Variants in STXBP5L observed in about 807,000 individuals in gnomAD.
STXBP5L encodes the protein syntaxin binding protein 5L.
A neutral mutation model predicts 144.5 loss-of-function variants in STXBP5L; 65 were observed. The ratio of observed to expected loss-of-function variants is 0.45; its 90% confidence interval spans 0.37 to 0.55. The LOEUF (loss-of-function observed/expected upper bound fraction) is 0.55. STXBP5L is among the 20% of genes least tolerant of loss of function. STXBP5L has a pLI of 0.00. For missense variants in STXBP5L, 1,298 were observed against 1,405.5 expected (o/e 0.92, Z 1.22); for synonymous variants, 505 against 469.6 (o/e 1.08, Z -0.97).
intron 9 of STXBP5L, among the ~76,000 whole-genome samples, chr3:121,165,811 C>T (rs954033956): frequency 6.6e-6 from 1 of 152,122 alleles, no homozygotes; most frequent in Non-Finnish European, 1.5e-5. Flanking sequence ...AGTGTGCATT[C>T]CTCCCAGTGG....
Position 121,195,195 on chromosome 3 carries a change from A to G in STXBP5L, c.878-10728A>G, listed in dbSNP as rs142638735. 6.9e-3 allele frequency among the ~76,000 whole-genome samples: 1,049 copies of G among 152,064 alleles called. 5 individuals are homozygous for G. The highest frequency in any genetic ancestry group is 0.015 in the South Asian group (72 of 4,822). On this transcript the variant is annotated intron_variant, in intron 9 of 26. Coordinates refer to ENST00000471454, the MANE Select transcript of STXBP5L (RefSeq NM_001308330.2). ...CACCTCGGCTTCCCAAAGTGCTGGG[A>G]TTACAGGTGTGAGCCACCGTGCCCG...
intron 20 of STXBP5L, among the ~76,000 whole-genome samples, chr3:121,366,665 A>C (rs564310005): frequency 1.3e-5 from 2 of 152,064 alleles, no homozygotes; most frequent in African/African-American, 4.8e-5. Context: ...TAAACCATGT[A>C]TGGTTAGACT....
At chr3:121,354,380 A>G (rs1576265982) in intron 20 of STXBP5L, among the ~76,000 whole-genome samples, 1 of 152,098 alleles carries the variant, frequency 6.6e-6, no homozygotes, top group East Asian at 1.9e-4. Context: ...GTGGGTGCAT[A>G]TATATTTAGG....
At chr3:120,963,391 A>G (rs1476659469) in intron 3 of STXBP5L, among the ~76,000 whole-genome samples, 1 of 152,230 alleles carries the variant, frequency 6.6e-6, no homozygotes, top group East Asian at 1.9e-4. Flanking sequence ...TTGCCCATTC[A>G]GTATGATATT....
chr3:121,291,189 G>A (rs1377562575), intron 19 of STXBP5L, among the ~76,000 whole-genome samples: 1 of 152,010 alleles, frequency 6.6e-6, no homozygotes, highest in Non-Finnish European at 1.5e-5. Flanking sequence ...TCTGAAAAGT[G>A]AATTTAGTAA....
chr3:121,018,700 A>G (rs1007518784), intron 3 of STXBP5L, among the ~76,000 whole-genome samples: 2 of 152,212 alleles, frequency 1.3e-5, no homozygotes, highest in African/African-American at 4.8e-5. Context: ...AATAGTAAGA[A>G]AAGAATCGGT....
intron 5 of STXBP5L, among the ~76,000 whole-genome samples, chr3:121,095,329 G>A (rs943549253): frequency 2.0e-5 from 3 of 152,046 alleles, no homozygotes; most frequent in Non-Finnish European, 2.9e-5. Flanking sequence ...TTGAATGTTG[G>A]CCTGTCCTTC....
chr3:120,974,906 C>G (rs1204449441), intron 3 of STXBP5L, among the ~76,000 whole-genome samples: 1 of 152,162 alleles, frequency 6.6e-6, no homozygotes, highest in Non-Finnish European at 1.5e-5. Context: ...ATCTATATCT[C>G]TGTTTTGGTA....
intron 20 of STXBP5L, among the ~76,000 whole-genome samples, chr3:121,352,971 T>C (rs1487008622): frequency 6.6e-6 from 1 of 152,182 alleles, no homozygotes; most frequent in African/African-American, 2.4e-5. Context: ...TCTGTTTATG[T>C]GATGGATTAT....
intron 20 of STXBP5L, among the ~76,000 whole-genome samples, chr3:121,321,426 G>A (rs1362314709): frequency 6.6e-6 from 1 of 152,114 alleles, no homozygotes; most frequent in African/African-American, 2.4e-5. Flanking sequence ...CTATATTAGA[G>A]GGTCATTTAA....
intron 3 of STXBP5L, among the ~76,000 whole-genome samples, chr3:120,961,752 A>C (rs1938851953): frequency 6.6e-6 from 1 of 152,142 alleles, no homozygotes; most frequent in African/African-American, 2.4e-5. Flanking sequence ...ATGTGTCTTT[A>C]TAGTAGTATG....
In STXBP5L at chr3:120,973,812, C is replaced by T. The variant is rs1407637159; in HGVS notation, c.287+18775C>T. Among the ~76,000 whole-genome samples the T allele has an allele frequency of 4.6e-5, 7 of 151,118 alleles. No homozygotes were observed. In the East Asian group the frequency reaches 7.8e-4, roughly 17 times the overall value. Reference sequence around the variant, plus strand: ...TGCGGTGTTTGGTTTTTTGTTCTTGCGATAGTTTACTGAGAATGATGATTT... The same window carrying T: ...TGCGGTGTTTGGTTTTTTGTTCTTGTGATAGTTTACTGAGAATGATGATTT... On this transcript the variant is annotated intron_variant, in intron 3 of 26. Coordinates refer to ENST00000471454, the MANE Select transcript of STXBP5L (RefSeq NM_001308330.2).
chr3:121,100,025 G>A (rs1407777516), intron 5 of STXBP5L, among the ~76,000 whole-genome samples: 1 of 152,120 alleles, frequency 6.6e-6, no homozygotes, highest in African/African-American at 2.4e-5. Flanking sequence ...TAATGATAAA[G>A]GGGTTAATTT....
rs554814115 is a variant in STXBP5L, at chr3:121,235,698, C to A, written c.1184+2010C>A. 3.9e-5 allele frequency among the ~76,000 whole-genome samples: 6 copies of A among 152,038 alleles called. No homozygotes were observed. The South Asian group carries it at 1.2e-3, about 32-fold the overall frequency. ...TAACCTCTGGTACCTCTAGTTTAACCTACTTGTCCCTTAACTAGACATGAG... is the reference window on the plus strand; with the variant it reads ...TAACCTCTGGTACCTCTAGTTTAACATACTTGTCCCTTAACTAGACATGAG... On this transcript the variant is annotated intron_variant, in intron 12 of 26. Transcript: ENST00000471454.
intron 9 of STXBP5L, among the ~76,000 whole-genome samples, chr3:121,159,716 G>A (rs987777384): frequency 1.2e-4 from 17 of 142,780 alleles, no homozygotes; most frequent in Admixed American, 3.8e-4. Flanking sequence ...TGCAAGCTCC[G>A]CCTCCCGGGT....
intron 5 of STXBP5L, among the ~76,000 whole-genome samples, chr3:121,093,309 C>T (rs1382651142): frequency 1.3e-5 from 2 of 152,132 alleles, no homozygotes; most frequent in Non-Finnish European, 2.9e-5. Context: ...GGAGGATTCC[C>T]TCTTTTTCTA....
At chr3:121,211,023 G>C (rs7621325) in intron 10 of STXBP5L, among the ~76,000 whole-genome samples, 72,265 of 152,030 alleles carry the variant, frequency 0.48, 17,735 homozygotes, top group East Asian at 0.73. Flanking sequence ...ACATTGGGCA[G>C]TATTGCCATT....
chr3:121,224,786 T>C (rs2049071347), intron 11 of STXBP5L, among the ~76,000 whole-genome samples: 2 of 152,230 alleles, frequency 1.3e-5, no homozygotes, highest in East Asian at 1.9e-4. Flanking sequence ...TAAGTGTTTT[T>C]TGGAGTTACA....
intron 9 of STXBP5L, among the ~76,000 whole-genome samples, chr3:121,196,665 C>T (rs2047931789): frequency 6.6e-6 from 1 of 150,676 alleles, no homozygotes; most frequent in African/African-American, 2.4e-5. Flanking sequence ...ATTTTGTTTT[C>T]TTTTTTCCTT....
Sources: allele counts gnomAD v4.1 joint callset (sites outside exome capture counted in the v4.1 genomes callset), GRCh38; gene constraint gnomAD v4.1.1; transcripts MANE v1.5; gene names NCBI Gene and HGNC (gene_info 2026-07-23, HGNC 2026-07-21).